The following WIPF1 variants were observed in gnomAD, a reference collection of about 807,000 sequenced individuals.
WIPF1 encodes the protein WAS/WASL-interacting protein family member 1.
WIPF1 carries 13 observed loss-of-function variants against 35.4 expected under a neutral mutation model. That is an observed-to-expected ratio of 0.37 (90% CI 0.24 to 0.58). The LOEUF is 0.58. WIPF1 is among the 20% of genes least tolerant of loss of function. The pLI is 0.74. For synonymous variants in WIPF1, 267 were observed against 266.3 expected, an observed-to-expected ratio of 1.00 and a Z score of -0.02; for missense variants, 591 against 667.0, an observed-to-expected ratio of 0.89 and a Z score of 1.25.
Position 174,575,488 on chromosome 2 carries a change from A to C in WIPF1, c.182-108T>G, listed in dbSNP as rs921218552. The C allele has an allele frequency of 1.5e-5, 21 of 1,435,226 alleles. No homozygotes were observed. In the African/African-American group the frequency reaches 3.0e-4, roughly 21 times the overall value. The allele number at this position is 1,435,226 out of a possible 1,614,324, so 88.9% of individuals were successfully genotyped here. On this transcript the variant is annotated intron_variant, in intron 3 of 7. Transcript: ENST00000679041. ...GGCCGGCTCTCGGCCTCCAGTGGAC[A>C]ACTGGGATTTCTTCATTAAAATGCA... is the stretch of plus-strand genomic sequence containing the variant.
chr2:174,581,576 T>G, intron 2 of WIPF1, 137 bp from the exon 3 acceptor site: 1 of 1,055,390 alleles, frequency 9.5e-7, no homozygotes, highest in Non-Finnish European at 1.3e-6. Flanking sequence ...TCGACAAGTT[T>G]TAGACCCCAT....
rs1477048461 is a variant in WIPF1 at position 174,562,425 on chromosome 2, C to A, written c.*122G>T. 2 of 1,555,436 alleles carry A rather than the reference C, an allele frequency of 1.3e-6. No individual in the cohort carries two copies. Among genetic ancestry groups the A allele is most frequent in the Non-Finnish European group, 8.7e-7 (1 of 1,148,436 alleles). On this transcript the variant is annotated 3_prime_UTR_variant, in exon 8 of 8. Coordinates refer to ENST00000679041, the MANE Select transcript of WIPF1 (RefSeq NM_001375834.1). ...CCCACACACGCATATTCCCACTCCCCCTCCCACCTTTCCTCCTGCCCATAC... is the reference window on the plus strand; with the variant it reads ...CCCACACACGCATATTCCCACTCCCACTCCCACCTTTCCTCCTGCCCATAC...
At chr2:174,667,513 C>G (rs1687917537) in intron 1 of WIPF1, among the ~76,000 whole-genome samples, 1 of 152,170 alleles carries the variant, frequency 6.6e-6, no homozygotes, top group Non-Finnish European at 1.5e-5. Flanking sequence ...TGATAAAGAG[C>G]TGATCTCCTC....
At position 174,647,286 on chromosome 2, in the gene WIPF1, G is replaced by C. The variant is rs546835392; in HGVS notation, c.-39+35488C>G. Among the ~76,000 whole-genome samples, 5 of 152,000 alleles carry C rather than the reference G, an allele frequency of 3.3e-5. No individual in the cohort carries two copies. The South Asian group carries it at 1.0e-3, about 32-fold the overall frequency. On this transcript the variant is annotated intron_variant, in intron 1 of 8. Transcript: ENST00000272746. ...CTAGCTATCTGGCAGGCTGAGGCTG[G>C]AGTATCCCTTCAGGCCAGGAGTCCG...
At chr2:174,640,687 G>A (rs1029744066) in intron 1 of WIPF1, among the ~76,000 whole-genome samples, 4 of 151,450 alleles carry the variant, frequency 2.6e-5, no homozygotes, top group South Asian at 2.1e-4. Context: ...ATGTATACAC[G>A]TGCCGTGTTG....
intron 1 of WIPF1, chr2:174,673,782 A>T (rs1559179225): frequency 3.3e-5 from 5 of 151,600 alleles, no homozygotes; most frequent in Admixed American, 2.0e-4. Context: ...TTAAAACAGG[A>T]CTTCCTTTTG....
At chr2:174,584,424 C>A (rs1352079720) in intron 2 of WIPF1, among the ~76,000 whole-genome samples, 4 of 152,162 alleles carry the variant, frequency 2.6e-5, no homozygotes, top group African/African-American at 9.7e-5. Context: ...ACTTTCTCTC[C>A]AAGCCTCAGT....
At position 174,575,282 on chromosome 2, in the gene WIPF1, C is replaced by T; in HGVS notation, c.280G>A (p.Gly94Arg). 1 of 1,613,994 alleles carries T rather than the reference C, an allele frequency of 6.2e-7. No individual in the cohort carries two copies. The highest frequency in any genetic ancestry group is 8.5e-7 in the Non-Finnish European group (1 of 1,179,944). Residue 94 changes from glycine to arginine, a missense_variant, in exon 4 of 8, where the codon GGG becomes AGG. Physicochemically the swap from Gly to Arg is moderately radical, Grantham distance 125. Transcript: ENST00000679041. ...CCTCCCAGACCTGGAGGTCCGCCCC[C>T]TCCAAAACTTCCACCGCCTCCGCCA... ...GGGGGGGSFG[G>R]GGPPGLGGLF...
chr2:174,605,177 G>A (rs1042952513), intron 1 of WIPF1, among the ~76,000 whole-genome samples: 7 of 152,238 alleles, frequency 4.6e-5, no homozygotes, highest in African/African-American at 9.6e-5. Context: ...GCTCGCGCCT[G>A]TAATCCCAGC....
chr2:174,582,357 T>A (rs1426805648), intron 2 of WIPF1, among the ~76,000 whole-genome samples: 1 of 152,242 alleles, frequency 6.6e-6, no homozygotes, highest in Non-Finnish European at 1.5e-5. Flanking sequence ...CCTGTGTGCC[T>A]GTGTCTATCA....
chr2:174,609,493 C>T (rs1319202772), intron 1 of WIPF1, among the ~76,000 whole-genome samples: 1 of 151,980 alleles, frequency 6.6e-6, no homozygotes, highest in Non-Finnish European at 1.5e-5. Flanking sequence ...GCTGTCACAC[C>T]CACCGTGATC....
At chr2:174,665,646 A>T (rs753832864) in intron 1 of WIPF1, 2 of 152,238 alleles carry the variant, frequency 1.3e-5, no homozygotes, top group Non-Finnish European at 2.9e-5. Context: ...TTCTTAATAG[A>T]AAAGGAAATG....
chr2:174,648,953 C>T (rs1687476995), intron 1 of WIPF1, among the ~76,000 whole-genome samples: 1 of 152,230 alleles, frequency 6.6e-6, no homozygotes, highest in Admixed American at 6.5e-5. Context: ...TTACATTTCA[C>T]ATTTGTGCAG....
Position 174,571,946 on chromosome 2 carries a change from G to T in WIPF1, c.859C>A (p.Pro287Thr). 6.3e-7 allele frequency: 1 copy of T among 1,585,506 alleles called. No individual in the cohort carries two copies. Among genetic ancestry groups the T allele is most frequent in the South Asian group, 1.2e-5 (1 of 86,192 alleles). The part of the protein sequence containing the change: ...IHREAVPPPP[P>T]QNNKPPVPST... ...GGCACTGGAGGCTTGTTGTTCTGAG[G>T]AGGAGGAGGGGGAACCGCTTCCCTG... is the stretch of plus-strand genomic sequence containing the variant. The change falls in exon 5 of 8, where the codon CCT becomes ACT. Residue 287 changes from proline (P) to threonine (T), a missense_variant. Pro to Thr is a conservative substitution (Grantham distance 38). Coordinates refer to ENST00000679041, the MANE Select transcript of WIPF1 (RefSeq NM_001375834.1). This position sits in a 1 kb window ranked among gnomAD's most constrained non-coding sequence, Gnocchi z 4.6.
intron 1 of WIPF1, among the ~76,000 whole-genome samples, chr2:174,589,844 TAAA>T (rs1685550010): frequency 6.6e-6 from 1 of 152,236 alleles, no homozygotes; most frequent in Non-Finnish European, 1.5e-5. Flanking sequence ...AAACCATTAA[TAAA>T]GAAGTACATA....
At chr2:174,589,222 C>G (rs1198168356) in intron 1 of WIPF1, among the ~76,000 whole-genome samples, 1 of 152,226 alleles carries the variant, frequency 6.6e-6, no homozygotes, top group Admixed American at 6.5e-5. Context: ...GGGGTCTTGC[C>G]AATACCTGGC....
At position 174,594,690 on chromosome 2, in the gene WIPF1, TTC is replaced by T. The variant is rs138465593; in HGVS notation, c.-39+2909_-39+2910del. On this transcript the variant is annotated intron_variant, in intron 1 of 7. Transcript: ENST00000679041. ...TGTGCCACTGTTTCTCTCTCTCTCT[TTC>T]TCTCTCTCTCTCTCTCACACACACA... is the stretch of plus-strand genomic sequence containing the variant. 6.5e-4 allele frequency among the ~76,000 whole-genome samples: 52 copies of T among 79,770 alleles called. 1 individual carries two copies. Among genetic ancestry groups the T allele is most frequent in the Non-Finnish European group, 7.4e-4 (25 of 33,812 alleles). The allele number at this position is 79,770 out of a possible 152,430, so 52.3% of individuals were successfully genotyped here.
chr2:174,597,273 G>A (rs1420825878), intron 1 of WIPF1, among the ~76,000 whole-genome samples: 1 of 152,162 alleles, frequency 6.6e-6, no homozygotes, highest in Non-Finnish European at 1.5e-5. Context: ...GTGGACAACT[G>A]TATCATACAC....
At position 174,613,129 on chromosome 2, in the gene WIPF1, G is replaced by T. The variant is rs181156643; in HGVS notation, c.-38-27518C>A. Among the ~76,000 whole-genome samples the T allele has an allele frequency of 7.3e-3, 633 of 87,102 alleles. 4 individuals carry two copies. Among genetic ancestry groups the T allele is most frequent in the Admixed American group, 0.013 (100 of 7,680 alleles). The allele number at this position is 87,102 out of a possible 152,430, so 57.1% of individuals were successfully genotyped here. ...CAAAAGCAGGAATGCCTTGGTTTAT[G>T]TTATGCACATGCAGACGTGTAAACT... On this transcript the variant is annotated intron_variant, in intron 1 of 8. Transcript: ENST00000272746.
Sources: gnomAD v4.1 joint callset for allele counts (sites outside exome capture counted in the v4.1 genomes callset) on GRCh38, gnomAD v4.1.1 for gene constraint, Gnocchi (gnomAD v3.1) non-coding constraint, MANE v1.5 for transcripts, NCBI Gene and HGNC (gene_info 2026-07-23, HGNC 2026-07-21) for gene names.